FAM120B: variants seen among roughly 807,000 people sequenced by gnomAD.
The protein encoded by FAM120B is constitutive coactivator of peroxisome proliferator-activated receptor gamma.
Under a neutral mutation model 96.3 loss-of-function variants are expected in FAM120B, and 83 were observed. The observed-to-expected ratio is 0.86, with a 90% CI of 0.72 to 1.03. FAM120B has a LOEUF of 1.03. Among genes scored for constraint, FAM120B ranks in the 50% least tolerant of loss-of-function variants. FAM120B has a pLI of 0.00. For missense variants in FAM120B, 1,027 were observed against 1,121.2 expected (o/e 0.92, Z 1.20); for synonymous variants, 407 against 402.7 (o/e 1.01, Z -0.13).
intron 6 of FAM120B, among the ~76,000 whole-genome samples, chr6:170,387,779 T>C: frequency 1.3e-5 from 2 of 152,304 alleles, no homozygotes; most frequent in Middle Eastern, 3.4e-3. Flanking sequence ...TTACAACAAT[T>C]ATGATTTTTA....
rs189636844 is a variant in FAM120B at position 170,332,989 on chromosome 6, A to G, written c.2017+2439A>G. 2.0e-3 allele frequency among the ~76,000 whole-genome samples: 311 copies of G among 152,288 alleles called. 1 individual carries two copies. Among genetic ancestry groups the G allele is most frequent in the Non-Finnish European group, 2.1e-3 (145 of 68,024 alleles). ...TCCTGAATTGTAGAAATAAAAGGAAATCACAAGTATTTTCCAACAAAGTGG... is the reference window on the plus strand; with the variant it reads ...TCCTGAATTGTAGAAATAAAAGGAAGTCACAAGTATTTTCCAACAAAGTGG... On this transcript the variant is annotated intron_variant, in intron 4 of 10. Transcript: ENST00000476287.
intron 5 of FAM120B, among the ~76,000 whole-genome samples, chr6:170,350,278 C>T (rs573033206): frequency 6.6e-5 from 10 of 152,278 alleles, no homozygotes; most frequent in Admixed American, 5.9e-4. Context: ...GAATCCCAGC[C>T]GGCCAATGGC....
chr6:170,299,261 A>T (rs753173070), intron 1 of FAM120B, among the ~76,000 whole-genome samples: 1 of 152,050 alleles, frequency 6.6e-6, no homozygotes, highest in Admixed American at 6.5e-5. Context: ...CATCATTTCT[A>T]CTTCTTCTTT....
chr6:170,403,500 G>A (rs959940475), intron 9 of FAM120B, among the ~76,000 whole-genome samples: 3 of 152,192 alleles, frequency 2.0e-5, no homozygotes, highest in African/African-American at 4.8e-5. Flanking sequence ...TTCAGTCACT[G>A]CCAAAAGTTG....
At chr6:170,344,044 C>T (rs1168128393) in intron 4 of FAM120B, among the ~76,000 whole-genome samples, 1 of 146,070 alleles carries the variant, frequency 6.8e-6, no homozygotes, top group Non-Finnish European at 1.5e-5. Flanking sequence ...GTGCTAGCCT[C>T]TCACTGGTTC....
At chr6:170,384,154 G>A (rs1039912268) in intron 6 of FAM120B, among the ~76,000 whole-genome samples, 1 of 152,198 alleles carries the variant, frequency 6.6e-6, no homozygotes, top group African/African-American at 2.4e-5. Context: ...GGTCTTATGT[G>A]GAGAGACAGT....
At chr6:170,362,808 A>G (rs186004791) in intron 6 of FAM120B, among the ~76,000 whole-genome samples, 2 of 149,742 alleles carry the variant, frequency 1.3e-5, no homozygotes, top group East Asian at 4.0e-4. Flanking sequence ...CAGCCTTCCT[A>G]GTAGTTGGGA....
chr6:170,345,526 T>C (rs1325090946), intron 4 of FAM120B, among the ~76,000 whole-genome samples: 1 of 152,250 alleles, frequency 6.6e-6, no homozygotes, highest in Non-Finnish European at 1.5e-5. Context: ...CCAAGGTAGC[T>C]AGCAGCTGTT....
chr6:170,398,077 G>C (rs1483789063), intron 9 of FAM120B, among the ~76,000 whole-genome samples: 1 of 152,248 alleles, frequency 6.6e-6, no homozygotes, highest in African/African-American at 2.4e-5. Flanking sequence ...ATGGGAAAGA[G>C]GCTACGGGTT....
chr6:170,302,324 AG>A (rs1448573112), upstream of FAM120B, among the ~76,000 whole-genome samples: 8 of 152,198 alleles, frequency 5.3e-5, no homozygotes, highest in African/African-American at 1.9e-4. Context: ...AACAGCATGG[AG>A]GTAACCGCCC....
chr6:170,361,098 G>A (rs1303546180), intron 6 of FAM120B, among the ~76,000 whole-genome samples: 1 of 151,358 alleles, frequency 6.6e-6, no homozygotes, highest in Admixed American at 6.6e-5. Flanking sequence ...CAGTGGGTAA[G>A]TCACTGTTGC....
intron 5 of FAM120B, among the ~76,000 whole-genome samples, chr6:170,354,868 G>T (rs551179377): frequency 2.0e-5 from 3 of 152,332 alleles, no homozygotes; most frequent in Middle Eastern, 3.4e-3. Flanking sequence ...GGTGGAGCTT[G>T]CAGTGAGCCG....
chr6:170,389,155 T>A (rs1181679791), intron 7 of FAM120B, among the ~76,000 whole-genome samples: 2 of 152,204 alleles, frequency 1.3e-5, no homozygotes, highest in Non-Finnish European at 1.5e-5. Flanking sequence ...ACCCATGTTG[T>A]TCAAGGGTCA....
intron 6 of FAM120B, among the ~76,000 whole-genome samples, chr6:170,371,490 T>A (rs542423198): frequency 6.6e-6 from 1 of 152,326 alleles, no homozygotes; most frequent in South Asian, 2.1e-4. Flanking sequence ...TGTTAGTAAC[T>A]AAAGCTTTTC....
At chr6:170,388,063 C>CTCT (rs966628973) in intron 6 of FAM120B, among the ~76,000 whole-genome samples, 11 of 152,194 alleles carry the variant, frequency 7.2e-5, no homozygotes, top group African/African-American at 2.7e-4. Flanking sequence ...AAGACACACT[C>CTCT]TGACTGTAGA....
Position 170,317,656 on chromosome 6 carries a change from T to G in FAM120B, c.266T>G (p.Phe89Cys). 1.9e-6 allele frequency: 3 copies of G among 1,614,196 alleles called. No individual in the cohort carries two copies. Among genetic ancestry groups the G allele is most frequent in the Non-Finnish European group, 2.5e-6 (3 of 1,180,042 alleles). ...TAAGIKLIFF[F>C]DGMVEQDKRD... ...GCTGGGATCAAGTTGATATTCTTCT[T>G]TGATGGCATGGTGGAGCAGGATAAG... is the stretch of plus-strand genomic sequence containing the variant. The change falls in exon 2 of 11, where the codon TTT becomes TGT. Residue 89 changes from phenylalanine (F) to cysteine (C), a missense_variant. Around this residue, in one of 3 missense-constraint regions of FAM120B, gnomAD observed 880 missense variants for 980.9 expected, o/e 0.90. Transcript: ENST00000476287.
rs117530145 is a variant in FAM120B, at chr6:170,365,253, C to T, written c.2283+6935C>T. Among the ~76,000 whole-genome samples, 1,345 of 152,332 alleles carry T rather than the reference C, an allele frequency of 8.8e-3. 65 individuals are homozygous for T. In the East Asian group the frequency reaches 0.1, roughly 12 times the overall value. ...GAGACCAAAATGTCATAAACCAAGGCTAATGAGAGGCTTATGTCTGAACAT... is the reference window on the plus strand; with the variant it reads ...GAGACCAAAATGTCATAAACCAAGGTTAATGAGAGGCTTATGTCTGAACAT... On this transcript the variant is annotated intron_variant, in intron 6 of 10. Transcript: ENST00000476287.
At chr6:170,300,416 G>A (rs1441373314) in intron 1 of FAM120B, among the ~76,000 whole-genome samples, 1 of 152,106 alleles carries the variant, frequency 6.6e-6, no homozygotes, top group East Asian at 1.9e-4. Context: ...TGGGGATTAT[G>A]GGAACTACAG....
chr6:170,331,511 C>T (rs1273718840), intron 4 of FAM120B, among the ~76,000 whole-genome samples: 1 of 152,078 alleles, frequency 6.6e-6, no homozygotes, highest in Non-Finnish European at 1.5e-5. Flanking sequence ...AAGTACTTAC[C>T]AGAGAAACAT....
Sources: gnomAD v4.1 joint callset for allele counts (sites outside exome capture counted in the v4.1 genomes callset) on GRCh38, gnomAD v4.1.1 for gene constraint, gnomAD v4.1.1 regional missense constraint, MANE v1.5 for transcripts, NCBI Gene and HGNC (gene_info 2026-07-23, HGNC 2026-07-21) for gene names.